THSD7A: variants seen among roughly 807,000 people sequenced by gnomAD.
THSD7A encodes thrombospondin type 1 domain containing 7A, also known as thrombospondin type-1 domain-containing protein 7A.
A neutral mutation model predicts 231.3 loss-of-function variants in THSD7A; 96 were observed. The observed-to-expected ratio is 0.41, with a 90% CI of 0.35 to 0.49. The LOEUF (loss-of-function observed/expected upper bound fraction) is 0.49, where lower values mean the gene tolerates loss of function less well. THSD7A is among the 20% of genes least tolerant of loss of function. THSD7A has a pLI of 0.05. For synonymous variants in THSD7A, 940 were observed against 743.3 expected (o/e 1.26, Z -4.30); for missense variants, 2,290 against 2,070.2 (o/e 1.11, Z -2.06).
chr7:11,633,535 G>T (rs1389731790), intron 2 of THSD7A, among the ~76,000 whole-genome samples: 1 of 152,188 alleles, frequency 6.6e-6, no homozygotes, highest in South Asian at 2.1e-4. Flanking sequence ...AGAAAGTTCA[G>T]GCTACTCTTA....
At chr7:11,795,342 C>T (rs1206599002) in intron 1 of THSD7A, among the ~76,000 whole-genome samples, 1 of 151,494 alleles carries the variant, frequency 6.6e-6, no homozygotes. Context: ...ATTCTTATAA[C>T]CCCGAGCTCT....
chr7:11,746,242 G>A (rs1220437124), intron 1 of THSD7A, among the ~76,000 whole-genome samples: 4 of 151,848 alleles, frequency 2.6e-5, no homozygotes, highest in African/African-American at 9.7e-5. Flanking sequence ...ATTGTATACA[G>A]AGTTCCCATA....
At chr7:11,468,546 A>T (rs534598175) in intron 9 of THSD7A, among the ~76,000 whole-genome samples, 242 of 152,266 alleles carry the variant, frequency 1.6e-3, no homozygotes, top group African/African-American at 4.9e-3. Flanking sequence ...AAGACTCCTA[A>T]ATAAAAATAT....
chr7:11,602,427 A>G (rs1780584730), intron 2 of THSD7A, among the ~76,000 whole-genome samples: 1 of 152,160 alleles, frequency 6.6e-6, no homozygotes. Flanking sequence ...ATAAGATTAC[A>G]GCAATTAAGT....
At chr7:11,820,310 G>T (rs900852771) in intron 1 of THSD7A, 1 of 662,150 alleles carries the variant, frequency 1.5e-6, no homozygotes, top group East Asian at 3.3e-5. Flanking sequence ...TCCGTAAAGA[G>T]TGGACCCTAC....
chr7:11,709,300 C>G (rs1415780810), intron 1 of THSD7A, among the ~76,000 whole-genome samples: 1 of 150,750 alleles, frequency 6.6e-6, no homozygotes, highest in East Asian at 2.0e-4. Flanking sequence ...GATTAATTCT[C>G]TTAAGCACAT....
At chr7:11,683,070 G>A (rs910954238) in intron 1 of THSD7A, among the ~76,000 whole-genome samples, 2 of 148,964 alleles carry the variant, frequency 1.3e-5, no homozygotes, top group African/African-American at 2.5e-5. Context: ...GCAGTGAGCC[G>A]AGATCATGCT....
intron 23 of THSD7A, among the ~76,000 whole-genome samples, chr7:11,392,044 CATCTTGCCCAGA>C (rs1295684095): frequency 6.6e-6 from 1 of 152,096 alleles, no homozygotes; most frequent in East Asian, 2.0e-4. Flanking sequence ...CCTATTTGGC[CATCTTGCCCAGA>C]ATCTCAACTT....
intron 1 of THSD7A, among the ~76,000 whole-genome samples, chr7:11,741,497 G>C (rs904985243): frequency 3.3e-5 from 5 of 151,606 alleles, no homozygotes; most frequent in Non-Finnish European, 7.4e-5. Flanking sequence ...AATAAGTGTT[G>C]GAAATAAACT....
intron 2 of THSD7A, among the ~76,000 whole-genome samples, chr7:11,596,624 T>C (rs542019543): frequency 1.3e-5 from 2 of 152,172 alleles, no homozygotes; most frequent in East Asian, 1.9e-4. Flanking sequence ...GCTGGAGGGA[T>C]TGAGGAGATT....
intron 23 of THSD7A, among the ~76,000 whole-genome samples, chr7:11,391,074 G>A (rs1044784641): frequency 4.6e-5 from 7 of 152,210 alleles, no homozygotes; most frequent in South Asian, 2.1e-4. Context: ...ACGTGGGGTC[G>A]GGACCCACTT....
At chr7:11,545,996 C>G (rs994140205) in intron 4 of THSD7A, among the ~76,000 whole-genome samples, 1 of 152,138 alleles carries the variant, frequency 6.6e-6, no homozygotes, top group Non-Finnish European at 1.5e-5. Context: ...ACTGCCTGGC[C>G]TTGTACACTT....
chr7:11,672,696 T>TA (rs1017859438), intron 1 of THSD7A, among the ~76,000 whole-genome samples: 1 of 152,164 alleles, frequency 6.6e-6, no homozygotes, highest in Non-Finnish European at 1.5e-5. Flanking sequence ...AATCATTTAA[T>TA]AAAAAAAGTT....
intron 1 of THSD7A, among the ~76,000 whole-genome samples, chr7:11,639,688 A>G (rs1484180221): frequency 1.3e-5 from 2 of 152,062 alleles, no homozygotes; most frequent in Admixed American, 6.5e-5. Flanking sequence ...ATAATAATAA[A>G]TAAAATAAAA....
intron 1 of THSD7A, among the ~76,000 whole-genome samples, chr7:11,802,937 A>T (rs1048064299): frequency 2.0e-4 from 31 of 152,334 alleles, no homozygotes; most frequent in Non-Finnish European, 2.9e-4. Flanking sequence ...TCTTGGAAAG[A>T]ATATAGATAC....
intron 1 of THSD7A, among the ~76,000 whole-genome samples, chr7:11,710,072 CAT>C (rs1265978297): frequency 3.3e-5 from 5 of 150,712 alleles, no homozygotes; most frequent in Admixed American, 6.6e-5. Context: ...TGGAAACACA[CAT>C]GATAGAATAA....
At chr7:11,670,443 A>C (rs993645584) in intron 1 of THSD7A, among the ~76,000 whole-genome samples, 18 of 152,236 alleles carry the variant, frequency 1.2e-4, no homozygotes, top group Non-Finnish European at 2.4e-4. Context: ...TTTCATATAC[A>C]TAAAGCAGTA....
chr7:11,417,040 A>C (rs1438836967), intron 17 of THSD7A, among the ~76,000 whole-genome samples: 1 of 152,178 alleles, frequency 6.6e-6, no homozygotes, highest in African/African-American at 2.4e-5. Context: ...CTACCATTTA[A>C]ATAAAAGGTA....
chr7:11,826,967 T>C lies in THSD7A; in HGVS notation c.190+4790A>G, dbSNP rs550816984. On this transcript the variant is annotated intron_variant, in intron 1 of 27. Coordinates refer to ENST00000423059, the MANE Select transcript of THSD7A (RefSeq NM_015204.3). ...TAAGTTAACTTTGAAATGACTGTGA[T>C]ACAAAAGTGCTGAAAATTTTAACTT... 2.6e-5 allele frequency among the ~76,000 whole-genome samples: 4 copies of C among 152,276 alleles called. No homozygotes were observed. In the East Asian group the frequency reaches 7.7e-4, roughly 29 times the overall value.
Sources: allele counts gnomAD v4.1 joint callset (sites outside exome capture counted in the v4.1 genomes callset), GRCh38; gene constraint gnomAD v4.1.1; transcripts MANE v1.5; gene names NCBI Gene and HGNC (gene_info 2026-07-23, HGNC 2026-07-21).